DPP6: variants seen among roughly 807,000 people sequenced by gnomAD.
DPP6 encodes A-type potassium channel modulatory protein DPP6.
Under a neutral mutation model 122.6 loss-of-function variants are expected in DPP6, and 69 were observed. The observed-to-expected ratio is 0.56, with a 90% CI of 0.46 to 0.69. The LOEUF (loss-of-function observed/expected upper bound fraction) is 0.69, where lower values mean the gene tolerates loss of function less well. Among genes scored for constraint, DPP6 ranks in the 30% least tolerant of loss-of-function variants. The pLI, the probability that DPP6 is intolerant of heterozygous loss-of-function variation, is 0.00. For missense variants in DPP6, 928 were observed against 1,116.9 expected (o/e 0.83, Z 2.41); for synonymous variants, 418 against 433.1 (o/e 0.97, Z 0.43).
intron 5 of DPP6, among the ~76,000 whole-genome samples, chr7:154,581,413 G>A (rs1339142947): frequency 6.6e-6 from 1 of 152,218 alleles, no homozygotes; most frequent in East Asian, 1.9e-4. Context: ...GCCTGCCATG[G>A]TCCTCCCCCA....
chr7:154,517,913 G>A (rs1013382763), intron 3 of DPP6, among the ~76,000 whole-genome samples: 3 of 152,100 alleles, frequency 2.0e-5, no homozygotes, highest in African/African-American at 7.2e-5. Context: ...ACCATTCGGA[G>A]AGGCAGCTCT....
At chr7:154,080,469 A>C (rs1803908482) in intron 1 of DPP6, among the ~76,000 whole-genome samples, 1 of 152,194 alleles carries the variant, frequency 6.6e-6, no homozygotes, top group Non-Finnish European at 1.5e-5. Context: ...CTTAGACCAA[A>C]GCGACCTTGA....
the DPP6 span, among the ~76,000 whole-genome samples, chr7:153,825,136 C>T: frequency 6.6e-6 from 1 of 152,196 alleles, no homozygotes; most frequent in Admixed American, 6.5e-5. Flanking sequence ...TTCTAAACCT[C>T]AAGGTCCTAA....
chr7:153,824,452 C>T, the DPP6 span, among the ~76,000 whole-genome samples: 787 of 148,980 alleles, frequency 5.3e-3, 5 homozygotes, highest in Non-Finnish European at 6.2e-3. Flanking sequence ...TTTGGGAGGC[C>T]GAGGTGGGTG....
chr7:154,379,503 TATA>T (rs1304399095), intron 1 of DPP6, among the ~76,000 whole-genome samples: 2 of 151,988 alleles, frequency 1.3e-5, no homozygotes, highest in African/African-American at 2.4e-5. Context: ...AACTTAAAAG[TATA>T]ATAATTTTTT....
chr7:153,772,522 A>G, the DPP6 span, among the ~76,000 whole-genome samples: 3 of 152,232 alleles, frequency 2.0e-5, no homozygotes, highest in Non-Finnish European at 4.4e-5. Flanking sequence ...AACAATGAAA[A>G]CAATAAGCAA....
intron 4 of DPP6, among the ~76,000 whole-genome samples, chr7:154,555,457 CGA>C (rs1554584786): frequency 4.0e-5 from 6 of 151,416 alleles, no homozygotes; most frequent in Middle Eastern, 3.4e-3. Flanking sequence ...CACACACCGG[CGA>C]CTGTTGTGGG....
Position 154,349,717 on chromosome 7 carries a change from G to C in DPP6, c.244-96497G>C, listed in dbSNP as rs570238578. On this transcript the variant is annotated intron_variant, in intron 1 of 25. Transcript: ENST00000377770. The stretch of plus-strand genomic sequence containing the variant: ...GTGTGACTTAACGCCGTGTCAGCTA[G>C]AGTAAGTGTGCAGCACATCCAAACC... Among the ~76,000 whole-genome samples, 150 of 152,180 alleles carry C rather than the reference G, an allele frequency of 9.9e-4. 3 individuals are homozygous for C. Among genetic ancestry groups the C allele is most frequent in the African/African-American group, 3.5e-3 (146 of 41,516 alleles).
intron 1 of DPP6, among the ~76,000 whole-genome samples, chr7:154,004,295 C>T (rs1240712188): frequency 2.7e-4 from 41 of 152,284 alleles, no homozygotes; most frequent in African/African-American, 7.0e-4. Flanking sequence ...GCACCTGCTA[C>T]TTCCTGGGTT....
chr7:154,533,484 A>G (rs2130147309), intron 3 of DPP6, among the ~76,000 whole-genome samples: 1 of 152,334 alleles, frequency 6.6e-6, no homozygotes. Context: ...AGTTGGCTTC[A>G]TTAATTAATT....
At chr7:154,798,719 A>G (rs1183368690) in intron 12 of DPP6, among the ~76,000 whole-genome samples, 1 of 152,210 alleles carries the variant, frequency 6.6e-6, no homozygotes, top group Non-Finnish European at 1.5e-5. Context: ...GTGAGTCTGC[A>G]CCTGTGAAGA....
the DPP6 span, among the ~76,000 whole-genome samples, chr7:153,847,709 T>A: frequency 3.9e-5 from 6 of 152,216 alleles, no homozygotes; most frequent in Non-Finnish European, 8.8e-5. Context: ...GGAGTTAAAA[T>A]CTAAATTGTC....
intron 1 of DPP6, among the ~76,000 whole-genome samples, chr7:154,266,051 T>C (rs1803398377): frequency 6.6e-6 from 1 of 152,178 alleles, no homozygotes; most frequent in Admixed American, 6.5e-5. Context: ...GGACTTGACC[T>C]CCCATCCCAT....
intron 1 of DPP6, among the ~76,000 whole-genome samples, chr7:154,211,186 C>T (rs1461302681): frequency 6.6e-6 from 1 of 152,216 alleles, no homozygotes; most frequent in Non-Finnish European, 1.5e-5. Flanking sequence ...CTTCCTGGTA[C>T]AGAACCAGCA....
the DPP6 span, among the ~76,000 whole-genome samples, chr7:153,781,184 T>G: frequency 7.2e-5 from 11 of 152,210 alleles, no homozygotes; most frequent in African/African-American, 2.7e-4. Flanking sequence ...AAAGATGACT[T>G]CTGGGCCCCT....
At chr7:154,107,916 G>A (rs1248302869) in intron 1 of DPP6, among the ~76,000 whole-genome samples, 1 of 152,172 alleles carries the variant, frequency 6.6e-6, no homozygotes, top group Non-Finnish European at 1.5e-5. Flanking sequence ...GGCTGTCAGG[G>A]CCACCTGGAG....
At chr7:154,514,685 G>A (rs1745007187) in intron 3 of DPP6, among the ~76,000 whole-genome samples, 1 of 152,060 alleles carries the variant, frequency 6.6e-6, no homozygotes, top group Non-Finnish European at 1.5e-5. Flanking sequence ...AATGTCTTAC[G>A]GGTTCATCCA....
intron 13 of DPP6, among the ~76,000 whole-genome samples, chr7:154,802,278 C>T (rs1232006452): frequency 6.6e-6 from 1 of 151,986 alleles, no homozygotes; most frequent in Admixed American, 6.6e-5. Flanking sequence ...TATGATGAGG[C>T]CTCAAAGGCA....
intron 1 of DPP6, among the ~76,000 whole-genome samples, chr7:154,306,324 A>C (rs1806345319): frequency 3.9e-5 from 6 of 152,152 alleles, no homozygotes; most frequent in Admixed American, 3.9e-4. Flanking sequence ...TAGACATCGT[A>C]ATTCCCTCCT....
Sources: allele counts gnomAD v4.1 joint callset (sites outside exome capture counted in the v4.1 genomes callset), GRCh38; gene constraint gnomAD v4.1.1; transcripts MANE v1.5; gene names NCBI Gene and HGNC (gene_info 2026-07-23, HGNC 2026-07-21).